LVRN: variants seen among roughly 807,000 people sequenced by gnomAD.
The protein encoded by LVRN is laeverin.
Under a neutral mutation model 111.4 loss-of-function variants are expected in LVRN, and 99 were observed. That is an observed-to-expected ratio of 0.89 (90% CI 0.76 to 1.05). The LOEUF (loss-of-function observed/expected upper bound fraction) is 1.05. Ranked by LOEUF, LVRN falls within the 50% of genes least tolerant of loss-of-function variation. The probability of loss-of-function intolerance (pLI) is 0.00; values close to 1 mark genes in which losing one functional copy is unlikely to be tolerated. For missense variants in LVRN, 1,414 were observed against 1,206.8 expected (o/e 1.17, Z -2.54); for synonymous variants, 488 against 449.5 (o/e 1.09, Z -1.08).
chr5:116,014,912 G>C (rs370954686), intron 16 of LVRN, among the ~76,000 whole-genome samples: 1 of 152,078 alleles, frequency 6.6e-6, no homozygotes, highest in East Asian at 1.9e-4. Context: ...GCCTCACTGA[G>C]CTCTGAAACT....
Position 115,963,008 on chromosome 5 carries a change from G to A in LVRN, c.391G>A (p.Val131Met). Residue 131 changes from valine to methionine, a missense_variant, in exon 1 of 20, where the codon GTG becomes ATG. By Grantham distance (21) the Val-to-Met change is conservative (BLOSUM62 1). Transcript: ENST00000357872. The part of the protein sequence containing the change: ...PAGSLPFTGR[V>M]NITVRCTVAT... ...CGGGTCTTTGCCCTTCACTGGCCGC[G>A]TGAACATCACGGTGCGCTGCACGGT... 6.2e-7 allele frequency: 1 copy of A among 1,613,566 alleles called. No homozygotes were observed. Among genetic ancestry groups the A allele is most frequent in the Non-Finnish European group, 8.5e-7 (1 of 1,179,928 alleles).
At chr5:115,970,034 T>A (rs1753289675) in intron 1 of LVRN, among the ~76,000 whole-genome samples, 2 of 152,156 alleles carry the variant, frequency 1.3e-5, no homozygotes. Context: ...TGCTTCTTTA[T>A]ATTTCTAATG....
At position 115,963,109 on chromosome 5, in the gene LVRN, G is replaced by A. The variant is rs1210261776; in HGVS notation, c.492G>A (p.Pro164=). 2 of 1,613,580 alleles carry A rather than the reference G, an allele frequency of 1.2e-6. No individual in the cohort carries two copies. Among genetic ancestry groups the A allele is most frequent in the African/African-American group, 1.3e-5 (1 of 75,060 alleles). The change falls in exon 1 of 20, where the codon CCG becomes CCA. Residue 164 remains proline, a synonymous_variant. Transcript: ENST00000357872. ...CCGAGGTGCGGGGACCCCTTTCCCC[G>A]GGCACTGGGAACGCCACAGTGGGCC... ...ERAEVRGPLS[P]GTGNATVGRV...
At chr5:116,014,154 A>G (rs1748548414) in intron 15 of LVRN, among the ~76,000 whole-genome samples, 1 of 152,190 alleles carries the variant, frequency 6.6e-6, no homozygotes, top group South Asian at 2.1e-4. Flanking sequence ...TTTAAGGGAG[A>G]TGAAGGATGG....
chr5:115,983,121 C>A (rs957276945), intron 1 of LVRN, among the ~76,000 whole-genome samples, 166 bp from the exon 2 acceptor site: 3 of 151,982 alleles, frequency 2.0e-5, no homozygotes, highest in Admixed American at 6.6e-5. Context: ...TCTAAGGTGC[C>A]ATGATAATTG....
intron 13 of LVRN, among the ~76,000 whole-genome samples, chr5:116,009,321 A>G (rs1312989079): frequency 6.6e-6 from 1 of 152,218 alleles, no homozygotes; most frequent in African/African-American, 2.4e-5. Flanking sequence ...TTGGTTACAC[A>G]AGCACTATGA....
chr5:116,022,295 T>C, intron 18 of LVRN, 96 bp from the exon 19 acceptor site: 1 of 774,712 alleles, frequency 1.3e-6, no homozygotes, highest in South Asian at 1.6e-5. Flanking sequence ...TAGGAATTAA[T>C]AGGGGCCATA....
intron 18 of LVRN, chr5:116,022,080 A>G (rs1748741994): frequency 4.2e-6 from 1 of 239,178 alleles, no homozygotes. Flanking sequence ...TTATTCCCTT[A>G]GAAATTGTAT....
intron 13 of LVRN, 64 bp downstream of exon 13, chr5:116,006,031 C>G: frequency 7.7e-7 from 1 of 1,303,542 alleles, no homozygotes; most frequent in Non-Finnish European, 1.1e-6. Flanking sequence ...AAAATAATAG[C>G]TTCATCACTA....
chr5:116,022,028 T>C (rs1748741074), intron 18 of LVRN, among the ~76,000 whole-genome samples: 1 of 152,208 alleles, frequency 6.6e-6, no homozygotes, highest in African/African-American at 2.4e-5. Flanking sequence ...ATGGATCCTC[T>C]ATGAACTACT....
chr5:116,001,546 G>C (rs1290735694), intron 10 of LVRN, among the ~76,000 whole-genome samples: 1 of 152,160 alleles, frequency 6.6e-6, no homozygotes, highest in Non-Finnish European at 1.5e-5. Context: ...TTCTGAGTGA[G>C]GGGCAGTAAG....
At chr5:116,000,336 C>T in intron 7 of LVRN, 97 bp from the exon 8 acceptor site, 1 of 1,495,462 alleles carries the variant, frequency 6.7e-7, no homozygotes, top group Non-Finnish European at 9.3e-7. Context: ...AAAATGCAAT[C>T]AGGAGCACAG....
intron 4 of LVRN, among the ~76,000 whole-genome samples, chr5:115,989,783 G>C (rs564879450): frequency 6.6e-6 from 1 of 152,250 alleles, no homozygotes; most frequent in South Asian, 2.1e-4. Context: ...GCCCATAGGA[G>C]GTACTCAATG....
In LVRN at chr5:116,025,980, G is replaced by T. The variant is rs750399390; in HGVS notation, c.2835G>T (p.Leu945=). 3.1e-6 allele frequency: 5 copies of T among 1,613,498 alleles called. No homozygotes were observed. The African/African-American group carries it at 6.7e-5, about 22-fold the overall frequency. Residue 945 remains leucine, a splice_region_variant and synonymous_variant, in exon 20 of 20, where the codon CTG becomes CTT. Transcript: ENST00000357872. ...TVTTDLQIVE[L]QQFFSNMLEE... is the part of the protein sequence containing the mutation. ...CATCTGTCTCTCTGTCCTTCCAGCT[G>T]CAGCAGTTTTTCAGTAACATGTTGG...
chr5:115,999,431 A>T (rs1748190526), intron 6 of LVRN, among the ~76,000 whole-genome samples: 2 of 152,208 alleles, frequency 1.3e-5, no homozygotes, highest in Admixed American at 1.3e-4. Context: ...GAAATTTTAG[A>T]TAATTAAAAC....
Position 116,011,004 on chromosome 5 carries a change from C to CAT in LVRN, c.2247+131_2247+132dup, listed in dbSNP as rs3072900. 2,633 of 279,280 alleles carry CAT rather than the reference C, an allele frequency of 9.4e-3. 28 individuals are homozygous for CAT. The highest frequency in any genetic ancestry group is 0.013 in the African/African-American group (468 of 37,064). 17.3% of individuals were successfully genotyped at this position (279,280 alleles called of 1,614,324 possible). A position where few individuals can be genotyped will look rare whatever the true frequency, so the allele number is the denominator to read the frequency against. The stretch of plus-strand genomic sequence containing the variant: ...TTTTCCAAAGTAATAGTCTTAGTTC[C>CAT]ATATATATATATATATATATATGGA... On this transcript the variant is annotated intron_variant, in intron 14 of 19. Transcript: ENST00000357872.
chr5:115,980,706 C>T (rs1263293665), intron 1 of LVRN, among the ~76,000 whole-genome samples: 1 of 152,076 alleles, frequency 6.6e-6, no homozygotes, highest in Non-Finnish European at 1.5e-5. Flanking sequence ...TATGATCAAG[C>T]TTTACTTCCT....
At chr5:115,965,474 G>C (rs945166823) in intron 1 of LVRN, among the ~76,000 whole-genome samples, 1 of 152,152 alleles carries the variant, frequency 6.6e-6, no homozygotes, top group Non-Finnish European at 1.5e-5. Context: ...AATTTTTAAT[G>C]AGCAAAAATA....
chr5:115,991,143 C>A (rs1212021477), intron 4 of LVRN, among the ~76,000 whole-genome samples: 1 of 152,108 alleles, frequency 6.6e-6, no homozygotes, highest in African/African-American at 2.4e-5. Context: ...TTGACAATTA[C>A]AGTATCATAC....
Sources: allele counts gnomAD v4.1 joint callset (sites outside exome capture counted in the v4.1 genomes callset), GRCh38; gene constraint gnomAD v4.1.1; transcripts MANE v1.5; gene names NCBI Gene and HGNC (gene_info 2026-07-23, HGNC 2026-07-21).